FMN2: variants seen among roughly 807,000 people sequenced by gnomAD.
FMN2 encodes formin 2, also known as formin-2.
Under a neutral mutation model 142.3 loss-of-function variants are expected in FMN2, and 51 were observed. The observed-to-expected ratio is 0.36, with a 90% confidence interval of 0.29 to 0.45. The LOEUF is 0.45. Among genes scored for constraint, FMN2 ranks in the 20% least tolerant of loss-of-function variants. The pLI, the probability that FMN2 is intolerant of heterozygous loss-of-function variation, is 1.00. For synonymous variants in FMN2, 882 were observed against 869.8 expected (o/e 1.01, Z -0.25); for missense variants, 1,936 against 2,122.8 (o/e 0.91, Z 1.73).
intron 9 of FMN2, 78 bp downstream of exon 9, chr1:240,329,245 T>C: frequency 6.3e-7 from 1 of 1,594,082 alleles, no homozygotes; most frequent in Non-Finnish European, 8.6e-7. Context: ...GCAAATGCGG[T>C]GTCTTCAGTG....
At chr1:240,209,119 A>T (rs1165083842) in intron 5 of FMN2, among the ~76,000 whole-genome samples, 1 of 152,194 alleles carries the variant, frequency 6.6e-6, no homozygotes, top group Non-Finnish European at 1.5e-5. Flanking sequence ...TGGAAAATGA[A>T]TGAGGGCAGG....
chr1:240,305,859 A>G (rs1670370553), intron 8 of FMN2, among the ~76,000 whole-genome samples: 2 of 152,162 alleles, frequency 1.3e-5, no homozygotes, highest in African/African-American at 4.8e-5. Flanking sequence ...GTGTAGCATC[A>G]TTATTGTAAT....
chr1:240,265,782 C>T (rs997541495), intron 7 of FMN2, among the ~76,000 whole-genome samples: 12 of 152,078 alleles, frequency 7.9e-5, no homozygotes. Context: ...ATTGTACACA[C>T]ACCTGCACCC....
chr1:240,184,653 G>T (rs1167817897), intron 3 of FMN2, among the ~76,000 whole-genome samples: 1 of 151,438 alleles, frequency 6.6e-6, no homozygotes, highest in Non-Finnish European at 1.5e-5. Context: ...CCATTCTAGT[G>T]ATGAATATTC....
chr1:240,093,521 C>A lies in FMN2; in HGVS notation c.1412C>A (p.Ala471Asp). The change falls in exon 1 of 18, where the codon GCC becomes GAC. Residue 471 changes from alanine (A) to aspartate (D), a missense_variant. Physicochemically the swap from Ala to Asp is moderately radical, Grantham distance 126. Around this residue, in one of 8 missense-constraint regions of FMN2, gnomAD observed 751 missense variants for 791.8 expected, o/e 0.95. Coordinates refer to ENST00000319653, the MANE Select transcript of FMN2 (RefSeq NM_020066.5). ...SVAAPAKKHR[A>D]DGGLAAGLSR... is the part of the protein sequence containing the mutation. The stretch of plus-strand genomic sequence containing the variant: ...GCCGCCCCGGCCAAGAAGCACCGGG[C>A]CGACGGCGGCCTTGCGGCCGGCCTG... 6.3e-7 allele frequency: 1 copy of A among 1,586,950 alleles called. No homozygotes were observed. The highest frequency in any genetic ancestry group is 8.6e-7 in the Non-Finnish European group (1 of 1,169,268).
At chr1:240,381,490 C>T (rs34748971) in intron 14 of FMN2, among the ~76,000 whole-genome samples, 45,778 of 151,982 alleles carry the variant, frequency 0.3, 7,385 homozygotes, top group Admixed American at 0.42. Context: ...AGTGCAGTGG[C>T]GAGGTCTTGG....
chr1:240,298,612 C>G (rs1319581436), intron 8 of FMN2, among the ~76,000 whole-genome samples: 1 of 152,162 alleles, frequency 6.6e-6, no homozygotes, highest in African/African-American at 2.4e-5. Context: ...GTGGCATTAG[C>G]TTATCATAGG....
At chr1:240,471,403 C>G (rs907870688) in intron 16 of FMN2, among the ~76,000 whole-genome samples, 6 of 151,468 alleles carry the variant, frequency 4.0e-5, no homozygotes, top group Admixed American at 1.3e-4. Context: ...GCTCTGTCAC[C>G]CAGGCTGGAG....
chr1:240,116,289 C>A (rs527763862), intron 1 of FMN2, among the ~76,000 whole-genome samples: 1 of 152,278 alleles, frequency 6.6e-6, no homozygotes, highest in Non-Finnish European at 1.5e-5. Context: ...GGGGCCCCTT[C>A]TTCCATACTC....
intron 15 of FMN2, among the ~76,000 whole-genome samples, chr1:240,436,278 CATAA>C (rs1553264925): frequency 3.1e-4 from 44 of 142,568 alleles, no homozygotes; most frequent in East Asian, 1.9e-3. Context: ...AGGAGAAAAA[CATAA>C]TACCTGAGAT....
At position 240,474,082 on chromosome 1, in the gene FMN2, A is replaced by C. The variant is rs765677558; in HGVS notation, c.5143-46A>C. 3.3e-6 allele frequency: 5 copies of C among 1,514,124 alleles called. No homozygotes were observed. The East Asian group carries it at 7.2e-5, about 22-fold the overall frequency. The allele number at this position is 1,514,124 out of a possible 1,614,324, so 93.8% of individuals were successfully genotyped here. On this transcript the variant is annotated intron_variant, in intron 17 of 17. Transcript: ENST00000319653. The stretch of plus-strand genomic sequence containing the variant: ...CTACTCTAAATTCTTTCCATTTTTA[A>C]AAGTTCTTTCTAACTAAAACTTTTA...
intron 14 of FMN2, among the ~76,000 whole-genome samples, chr1:240,378,433 G>C (rs1487992380): frequency 6.6e-6 from 1 of 152,212 alleles, no homozygotes; most frequent in Non-Finnish European, 1.5e-5. Flanking sequence ...TTACAGGTGG[G>C]AGCCACCATG....
chr1:240,130,180 T>C (rs536917335), intron 2 of FMN2, among the ~76,000 whole-genome samples: 3 of 152,248 alleles, frequency 2.0e-5, no homozygotes, highest in Non-Finnish European at 2.9e-5. Context: ...GTGTGAATAT[T>C]GCACTGCAGA....
intron 6 of FMN2, among the ~76,000 whole-genome samples, chr1:240,256,833 C>T (rs1441149072): frequency 1.3e-5 from 2 of 152,130 alleles, no homozygotes; most frequent in Non-Finnish European, 2.9e-5. Context: ...ATGTTTTATT[C>T]CTCACCCCCA....
In FMN2 at chr1:240,294,895, A is replaced by C; in HGVS notation, c.4215+12A>C. 1 of 1,610,894 alleles carries C rather than the reference A, an allele frequency of 6.2e-7. No individual in the cohort carries two copies. ...CTCTCTATGAGAATGTGAGTAATAG[A>C]AGGAATTTTATGTGTGAGTATATAA... is the stretch of plus-strand genomic sequence containing the variant. On this transcript the variant is annotated intron_variant, in intron 8 of 17. Coordinates refer to ENST00000319653, the MANE Select transcript of FMN2 (RefSeq NM_020066.5).
At chr1:240,258,083 G>A (rs10926181) in intron 7 of FMN2, 51 bp downstream of exon 7, 925,402 of 1,418,366 alleles carry the variant, frequency 0.65, 305,590 homozygotes, top group African/African-American at 0.91. Flanking sequence ...TTTGGGCTGA[G>A]GGATATGATG....
chr1:240,110,065 C>T (rs1661751621), intron 1 of FMN2, among the ~76,000 whole-genome samples: 1 of 151,538 alleles, frequency 6.6e-6, no homozygotes, highest in South Asian at 2.1e-4. Context: ...TAAAATGTTC[C>T]TTCTTGGGCT....
At chr1:240,440,528 T>C (rs1675574607) in intron 16 of FMN2, among the ~76,000 whole-genome samples, 1 of 152,210 alleles carries the variant, frequency 6.6e-6, no homozygotes, top group Non-Finnish European at 1.5e-5. Flanking sequence ...GCTTGTCATG[T>C]CCTAGAACTA....
At chr1:240,302,942 T>C (rs986774877) in intron 8 of FMN2, among the ~76,000 whole-genome samples, 1 of 151,844 alleles carries the variant, frequency 6.6e-6, no homozygotes, top group Non-Finnish European at 1.5e-5. Context: ...ATAAATATAG[T>C]GAAAATAAAA....
Sources: allele counts gnomAD v4.1 joint callset (sites outside exome capture counted in the v4.1 genomes callset), GRCh38; gene constraint gnomAD v4.1.1; regional missense constraint gnomAD v4.1.1; transcripts MANE v1.5; gene names NCBI Gene and HGNC (gene_info 2026-07-23, HGNC 2026-07-21).